The following OSBPL1A variants were observed in gnomAD, a reference collection of about 807,000 sequenced individuals.
OSBPL1A encodes the protein oxysterol-binding protein-related protein 1.
Under a neutral mutation model 137.1 loss-of-function variants are expected in OSBPL1A, and 80 were observed. The observed-to-expected ratio is 0.58, with a 90% CI of 0.49 to 0.70. The LOEUF is 0.70. Ranked by LOEUF, OSBPL1A falls within the 30% of genes least tolerant of loss-of-function variation. The probability of loss-of-function intolerance (pLI) is 0.00; values close to 1 mark genes in which losing one functional copy is unlikely to be tolerated. For missense variants in OSBPL1A, 970 were observed against 1,129.4 expected, an observed-to-expected ratio of 0.86 and a Z score of 2.02; for synonymous variants, 365 against 389.7, an observed-to-expected ratio of 0.94 and a Z score of 0.75.
intron 17 of OSBPL1A, among the ~76,000 whole-genome samples, chr18:24,215,149 G>A (rs1346341660): frequency 1.3e-5 from 2 of 152,122 alleles, no homozygotes; most frequent in Non-Finnish European, 2.9e-5. Context: ...GGATTGCTCT[G>A]AGCATAGTAA....
At chr18:24,356,772 A>G (rs2091543888) in intron 4 of OSBPL1A, among the ~76,000 whole-genome samples, 2 of 152,260 alleles carry the variant, frequency 1.3e-5, no homozygotes, top group Middle Eastern at 6.8e-3. Flanking sequence ...TTAAAAACCT[A>G]AGAGAATGCA....
At chr18:24,283,281 A>AATATATATATAT (rs869287828) in intron 14 of OSBPL1A, among the ~76,000 whole-genome samples, 2 of 78,376 alleles carry the variant, frequency 2.6e-5, no homozygotes, top group African/African-American at 1.1e-4. Context: ...AAAAAAAAAA[A>AATATATATATAT]ATATATATAT....
At chr18:24,211,037 C>T (rs2145967584) in intron 17 of OSBPL1A, among the ~76,000 whole-genome samples, 1 of 152,232 alleles carries the variant, frequency 6.6e-6, no homozygotes, top group African/African-American at 2.4e-5. Context: ...ATGATCTTGG[C>T]TCCCTGCAAC....
chr18:24,376,534 T>A (rs868277621), intron 2 of OSBPL1A, among the ~76,000 whole-genome samples: 1 of 152,248 alleles, frequency 6.6e-6, no homozygotes, highest in South Asian at 2.1e-4. Flanking sequence ...GATCCCGCAC[T>A]GGGGCTGCAG....
intron 7 of OSBPL1A, among the ~76,000 whole-genome samples, chr18:24,320,260 C>T (rs1369128626): frequency 6.6e-6 from 1 of 151,964 alleles, no homozygotes; most frequent in Non-Finnish European, 1.5e-5. Context: ...AGAAAAAATA[C>T]TGGGGGGATG....
At chr18:24,330,610 G>A (rs1005883550) in intron 7 of OSBPL1A, among the ~76,000 whole-genome samples, 2 of 151,362 alleles carry the variant, frequency 1.3e-5, no homozygotes, top group Admixed American at 1.3e-4. Context: ...TCAGCCTCCT[G>A]AGTAGCTGGG....
intron 21 of OSBPL1A, among the ~76,000 whole-genome samples, chr18:24,174,805 A>AG (rs1180941681): frequency 6.6e-6 from 1 of 151,792 alleles, no homozygotes; most frequent in Non-Finnish European, 1.5e-5. Context: ...ATGAGGTCTT[A>AG]TTCTACTACC....
intron 15 of OSBPL1A, among the ~76,000 whole-genome samples, 185 bp from the exon 16 acceptor site, chr18:24,239,567 G>A (rs1599547023): frequency 6.6e-6 from 1 of 152,268 alleles, no homozygotes; most frequent in East Asian, 1.9e-4. Flanking sequence ...TTCCCATGGG[G>A]CCTTTTCTGG....
chr18:24,179,826 C>A lies in OSBPL1A; in HGVS notation c.1822G>T (p.Ala608Ser). ...DPVERMQCVA[A>S]FAVSAVASQW... Reference sequence around the variant, plus strand: ...GAAGCAACAGCAGATACAGCAAACGCAGCTACACACTGTGGGACAGAGCAT... The same window carrying A: ...GAAGCAACAGCAGATACAGCAAACGAAGCTACACACTGTGGGACAGAGCAT... The change falls in exon 20 of 28, where the codon GCG becomes TCG. Residue 608 changes from alanine (A) to serine (S), a missense_variant. Transcript: ENST00000319481. The A allele has an allele frequency of 6.2e-7, 1 of 1,614,006 alleles. No homozygotes were observed. Among genetic ancestry groups the A allele is most frequent in the Non-Finnish European group, 8.5e-7 (1 of 1,179,880 alleles).
At chr18:24,327,069 T>A (rs2090993935) in intron 7 of OSBPL1A, among the ~76,000 whole-genome samples, 1 of 151,904 alleles carries the variant, frequency 6.6e-6, no homozygotes, top group South Asian at 2.1e-4. Flanking sequence ...TTTGAAGAAT[T>A]TCTATAATGT....
At chr18:24,176,171 C>A (rs1788935808) in intron 21 of OSBPL1A, among the ~76,000 whole-genome samples, 3 of 152,172 alleles carry the variant, frequency 2.0e-5, no homozygotes, top group Admixed American at 2.0e-4. Flanking sequence ...AAGTTAGAAT[C>A]AACTTCTCTG....
chr18:24,199,212 G>A (rs767560548), intron 17 of OSBPL1A, among the ~76,000 whole-genome samples: 2 of 152,006 alleles, frequency 1.3e-5, no homozygotes, highest in Non-Finnish European at 2.9e-5. Flanking sequence ...GGACTGATCC[G>A]AGGCGAGGCA....
chr18:24,266,989 G>C (rs2089594183), intron 15 of OSBPL1A, among the ~76,000 whole-genome samples: 1 of 151,604 alleles, frequency 6.6e-6, no homozygotes, highest in African/African-American at 2.4e-5. Flanking sequence ...AGAAACTAAA[G>C]ACCGTTCTTT....
At chr18:24,234,244 C>A (rs917674042) in intron 16 of OSBPL1A, among the ~76,000 whole-genome samples, 3 of 152,088 alleles carry the variant, frequency 2.0e-5, no homozygotes, top group Non-Finnish European at 4.4e-5. Context: ...TGTTTCAATG[C>A]GCATGAATGT....
intron 15 of OSBPL1A, among the ~76,000 whole-genome samples, chr18:24,253,173 G>GT (rs201967572): frequency 1.5e-5 from 2 of 137,062 alleles, no homozygotes; most frequent in South Asian, 2.7e-4. Flanking sequence ...ATGGCGGGGG[G>GT]GGGCGCTGAA....
intron 14 of OSBPL1A, among the ~76,000 whole-genome samples, chr18:24,288,409 T>C (rs1414692692): frequency 6.6e-6 from 1 of 152,166 alleles, no homozygotes; most frequent in Non-Finnish European, 1.5e-5. Context: ...ACCATTCCAA[T>C]TGGTGTTTCA....
At chr18:24,329,465 G>A (rs911562709) in intron 7 of OSBPL1A, among the ~76,000 whole-genome samples, 1 of 150,254 alleles carries the variant, frequency 6.7e-6, no homozygotes, top group Non-Finnish European at 1.5e-5. Flanking sequence ...CAGGAGAATC[G>A]CTTGAACCCA....
At position 24,162,858 on chromosome 18, in the gene OSBPL1A, A is replaced by AAGTT. The variant is rs1198834376; in HGVS notation, c.*317_*320dup. On this transcript the variant is annotated 3_prime_UTR_variant, in exon 28 of 28. Transcript: ENST00000319481. The stretch of plus-strand genomic sequence containing the variant: ...ATTACTATATAGTTCCATAAAGCTA[A>AAGTT]AGTTACATTTAGGTATAAACCTTCA... The AAGTT allele has an allele frequency of 4.9e-6, 1 of 204,898 alleles. No individual in the cohort carries two copies. The highest frequency in any genetic ancestry group is 9.8e-6 in the Non-Finnish European group (1 of 101,814). The allele number at this position is 204,898 out of a possible 1,614,324, so 12.7% of individuals were successfully genotyped here.
In OSBPL1A at chr18:24,373,117, A is replaced by G. The variant is rs144132169; in HGVS notation, c.121+4296T>C. Among the ~76,000 whole-genome samples the G allele has an allele frequency of 2.6e-5, 4 of 152,318 alleles. No individual in the cohort carries two copies. In the East Asian group the frequency reaches 7.7e-4, roughly 29 times the overall value. ...CTACATTTACTCTTAAAATACTTCA[A>G]ACAGTATTTTAAGTTTAACTACTTA... On this transcript the variant is annotated intron_variant, in intron 2 of 27. Transcript: ENST00000319481.
Sources: gnomAD v4.1 joint callset for allele counts (sites outside exome capture counted in the v4.1 genomes callset) on GRCh38, gnomAD v4.1.1 for gene constraint, MANE v1.5 for transcripts, NCBI Gene and HGNC (gene_info 2026-07-23, HGNC 2026-07-21) for gene names.